The following KIF18A variants were observed in gnomAD, a reference collection of about 807,000 sequenced individuals.
The protein encoded by KIF18A is kinesin family member 18A, also known as kinesin-like protein KIF18A.
KIF18A carries 67 observed loss-of-function variants against 103.3 expected under a neutral mutation model. The ratio of observed to expected loss-of-function variants is 0.65; its 90% CI spans 0.53 to 0.79. The LOEUF (loss-of-function observed/expected upper bound fraction) is 0.79. Ranked by LOEUF, KIF18A falls within the 30% of genes least tolerant of loss-of-function variation. KIF18A has a pLI of 0.00. For synonymous variants in KIF18A, 367 were observed against 355.5 expected (o/e 1.03, Z -0.36); for missense variants, 1,032 against 1,062.5 (o/e 0.97, Z 0.40).
In KIF18A at chr11:28,097,759, AT is replaced by A; in HGVS notation, c.188del (p.Asn63MetfsTer3). 6.2e-7 allele frequency: 1 copy of A among 1,611,946 alleles called. No individual in the cohort carries two copies. Reference protein sequence around the residue: ...FFHGKKTTNQNVIKKQNKDLK... With the variant: ...FFHGKKTTNQXVIKKQNKDLK... Reference sequence around the variant, plus strand: ...GATCCTTATTTTGTTTCTTTATAACATTTTGATTTGTAGTTTTCTTTCCATG... The same window carrying A: ...GATCCTTATTTTGTTTCTTTATAACATTTGATTTGTAGTTTTCTTTCCATG... On this transcript the variant is annotated frameshift_variant, in exon 2 of 17. Coordinates refer to ENST00000263181, the MANE Select transcript of KIF18A (RefSeq NM_031217.4). LOFTEE classifies it high-confidence loss of function.
intron 9 of KIF18A, among the ~76,000 whole-genome samples, chr11:28,081,015 A>G (rs1465112524): frequency 6.6e-6 from 1 of 152,240 alleles, no homozygotes. Context: ...AGCCTTATCC[A>G]GAGCAAGCCT....
intron 15 of KIF18A, among the ~76,000 whole-genome samples, chr11:28,026,083 T>C (rs1035827993): frequency 1.3e-5 from 2 of 151,872 alleles, no homozygotes; most frequent in East Asian, 1.9e-4. Context: ...GCTAACATTA[T>C]GTATGCATTA....
At chr11:28,031,587 G>A (rs962673994) in intron 15 of KIF18A, among the ~76,000 whole-genome samples, 1 of 151,236 alleles carries the variant, frequency 6.6e-6, no homozygotes, top group Non-Finnish European at 1.5e-5. Context: ...TGTAAATAAC[G>A]AGTTAATGGG....
At chr11:28,066,035 G>T (rs1347306654) in intron 11 of KIF18A, among the ~76,000 whole-genome samples, 1 of 151,886 alleles carries the variant, frequency 6.6e-6, no homozygotes, top group African/African-American at 2.4e-5. Flanking sequence ...ACTATAAGGG[G>T]TAAATAATCT....
intron 5 of KIF18A, among the ~76,000 whole-genome samples, chr11:28,089,007 A>T (rs189498334): frequency 5.3e-4 from 80 of 152,270 alleles, no homozygotes; most frequent in African/African-American, 1.7e-3. Flanking sequence ...GAACCAGGAC[A>T]TGGAATTATC....
intron 10 of KIF18A, among the ~76,000 whole-genome samples, chr11:28,069,823 A>G (rs1465384930): frequency 6.6e-6 from 1 of 151,944 alleles, no homozygotes; most frequent in African/African-American, 2.4e-5. Context: ...CTTGTCTTTG[A>G]TGTGAAGAAA....
At chr11:28,098,017 GT>G in intron 1 of KIF18A, 24 bp from the exon 2 acceptor site, 2 of 1,189,748 alleles carry the variant, frequency 1.7e-6, no homozygotes, top group Non-Finnish European at 2.3e-6. Context: ...AGAAAATAAA[GT>G]TTTAATATCA....
rs12272419 is a variant in KIF18A, at chr11:28,088,604, T to C, written c.817A>G (p.Thr273Ala). 0.062 allele frequency: 99,861 copies of C among 1,613,640 alleles called. 6,286 individuals carry two copies. Among genetic ancestry groups the C allele is most frequent in the East Asian group, 0.34 (15,444 of 44,826 alleles). The change falls in exon 6 of 17, where the codon ACC (threonine) becomes GCC (alanine). Residue 273 changes from threonine (T) to alanine (A), a missense_variant. Coordinates refer to ENST00000263181, the MANE Select transcript of KIF18A (RefSeq NM_031217.4). Reference protein sequence around the residue: ...ERASTSGAKGTRFVEGTNINR... With the variant: ...ERASTSGAKGARFVEGTNINR... ...ATATTTGTGCCTTCTACAAATCGGGTCCCCTTAGCACCGGAAGTACTTGCT... is the reference window on the plus strand; with the variant it reads ...ATATTTGTGCCTTCTACAAATCGGGCCCCCTTAGCACCGGAAGTACTTGCT...
intron 15 of KIF18A, among the ~76,000 whole-genome samples, chr11:28,028,999 T>G (rs1312145508): frequency 1.3e-5 from 2 of 152,136 alleles, no homozygotes; most frequent in Non-Finnish European, 2.9e-5. Context: ...AATCTCTGAA[T>G]AGACCAATAA....
chr11:28,039,811 T>C lies in KIF18A; in HGVS notation c.1949-3147A>G, dbSNP rs562509429. On this transcript the variant is annotated intron_variant, in intron 13 of 16. Transcript: ENST00000263181. The stretch of plus-strand genomic sequence containing the variant: ...ATGGAGATGTGGTAGTTAATGTGGA[T>C]TTACATACAATTGTTTTACTGGGCC... Among the ~76,000 whole-genome samples the C allele has an allele frequency of 5.6e-4, 85 of 151,842 alleles. 1 individual carries two copies. The highest frequency in any genetic ancestry group is 2.0e-3 in the African/African-American group (85 of 41,500).
chr11:28,063,432 G>A (rs1850880377), intron 11 of KIF18A, among the ~76,000 whole-genome samples: 1 of 151,924 alleles, frequency 6.6e-6, no homozygotes, highest in Admixed American at 6.6e-5. Flanking sequence ...AAAGAGACAA[G>A]ACTTGAGACC....
intron 9 of KIF18A, among the ~76,000 whole-genome samples, chr11:28,078,700 C>A (rs558667991): frequency 6.6e-6 from 1 of 152,122 alleles, no homozygotes; most frequent in South Asian, 2.1e-4. Flanking sequence ...TATAAAAGAA[C>A]AATTGTGTTT....
intron 1 of KIF18A, among the ~76,000 whole-genome samples, chr11:28,102,182 G>A (rs1851454300): frequency 6.6e-6 from 1 of 152,090 alleles, no homozygotes; most frequent in Non-Finnish European, 1.5e-5. Context: ...CACCCTTTTA[G>A]CTCTGCGGAG....
At chr11:28,071,032 G>A (rs1590694601) in intron 10 of KIF18A, among the ~76,000 whole-genome samples, 2 of 152,240 alleles carry the variant, frequency 1.3e-5, no homozygotes, top group African/African-American at 4.8e-5. Flanking sequence ...TTGTGCCACT[G>A]CACTCTAGCC....
chr11:28,062,833 T>C (rs1407793560), intron 11 of KIF18A, among the ~76,000 whole-genome samples: 4 of 152,050 alleles, frequency 2.6e-5, no homozygotes. Flanking sequence ...TGCTTAAATG[T>C]CACTTCCTCA....
At chr11:28,075,289 G>T (rs1851074734) in intron 10 of KIF18A, among the ~76,000 whole-genome samples, 1 of 152,152 alleles carries the variant, frequency 6.6e-6, no homozygotes, top group African/African-American at 2.4e-5. Flanking sequence ...ACAGGCTCTA[G>T]ATCTGGCATG....
At chr11:28,032,543 G>C (rs1187775320) in intron 15 of KIF18A, among the ~76,000 whole-genome samples, 1 of 151,858 alleles carries the variant, frequency 6.6e-6, no homozygotes, top group African/African-American at 2.4e-5. Context: ...GAACAGAATA[G>C]AGAGCCCCAA....
chr11:28,093,262 C>T (rs567953640), intron 3 of KIF18A, among the ~76,000 whole-genome samples: 101 of 152,214 alleles, frequency 6.6e-4, no homozygotes, highest in Non-Finnish European at 1.3e-3. Flanking sequence ...CAGAACAATT[C>T]TTTTCATAGT....
chr11:28,068,449 G>A lies in KIF18A; in HGVS notation c.1590+810C>T, dbSNP rs192108231. Among the ~76,000 whole-genome samples the A allele has an allele frequency of 4.4e-3, 662 of 150,070 alleles. 7 individuals carry two copies. The highest frequency in any genetic ancestry group is 0.014 in the African/African-American group (572 of 40,830). ...ACTTAAAGTTAAAAAAAAAAAAAAG[G>A]GAGCTCCAATACTGTTCAGAGTAAT... On this transcript the variant is annotated intron_variant, in intron 11 of 16. Coordinates refer to ENST00000263181, the MANE Select transcript of KIF18A (RefSeq NM_031217.4).
Sources: allele counts gnomAD v4.1 joint callset (sites outside exome capture counted in the v4.1 genomes callset), GRCh38; gene constraint gnomAD v4.1.1; transcripts MANE v1.5; gene names NCBI Gene and HGNC (gene_info 2026-07-23, HGNC 2026-07-21).